The following MAD1L1 variants were observed in gnomAD, a reference collection of about 807,000 sequenced individuals.
MAD1L1 encodes the protein mitotic spindle assembly checkpoint protein MAD1.
Under a neutral mutation model 96.9 loss-of-function variants are expected in MAD1L1, and 95 were observed. The ratio of observed to expected loss-of-function variants is 0.98; its 90% CI spans 0.83 to 1.16. The LOEUF is 1.16. Among genes scored for constraint, MAD1L1 ranks in the 50% most tolerant of loss-of-function variants. The pLI, the probability that MAD1L1 is intolerant of heterozygous loss-of-function variation, is 0.00. For synonymous variants in MAD1L1, 473 were observed against 396.6 expected, an observed-to-expected ratio of 1.19 and a Z score of -2.29; for missense variants, 1,007 against 954.4, an observed-to-expected ratio of 1.06 and a Z score of -0.73.
intron 11 of MAD1L1, among the ~76,000 whole-genome samples, chr7:2,106,885 A>C (rs1200321279): frequency 6.6e-6 from 1 of 152,164 alleles, no homozygotes; most frequent in East Asian, 1.9e-4. Context: ...GCCCTGGCTG[A>C]GAGACAGCTG....
chr7:1,868,063 C>T (rs115403085), intron 18 of MAD1L1, among the ~76,000 whole-genome samples: 1,656 of 152,244 alleles, frequency 0.011, 25 homozygotes, highest in African/African-American at 0.037. Flanking sequence ...CCCTACTGAC[C>T]TCTGTAAGCA....
At chr7:2,090,679 C>G (rs538911416) in intron 11 of MAD1L1, among the ~76,000 whole-genome samples, 3 of 152,204 alleles carry the variant, frequency 2.0e-5, no homozygotes, top group Admixed American at 2.0e-4. Context: ...CAGGCAGGCC[C>G]CCCGCAGGGT....
intron 11 of MAD1L1, among the ~76,000 whole-genome samples, chr7:2,121,398 G>T (rs974540825): frequency 1.6e-4 from 24 of 152,220 alleles, no homozygotes; most frequent in African/African-American, 5.5e-4. Context: ...CACACACTCG[G>T]TCCAGCTGGA....
rs1158956446 is a variant in MAD1L1, at chr7:2,228,181, G to A, written c.150+1803C>T. On this transcript the variant is annotated intron_variant, in intron 3 of 18. Transcript: ENST00000265854. ...AGAGGCCTTTACCAGTGAGCACTGG[G>A]GGCCTCCGAGCCCCAAGACAGACTC... Among the ~76,000 whole-genome samples the A allele has an allele frequency of 3.3e-5, 5 of 151,700 alleles. No homozygotes were observed. In the East Asian group the frequency reaches 7.8e-4, roughly 24 times the overall value.
intron 14 of MAD1L1, among the ~76,000 whole-genome samples, chr7:1,981,787 A>G (rs1459222202): frequency 6.6e-6 from 1 of 152,212 alleles, no homozygotes; most frequent in African/African-American, 2.4e-5. Flanking sequence ...AGCCTGGGAA[A>G]AAAGGCACTG....
chr7:1,983,116 G>A (rs565699922), intron 14 of MAD1L1, among the ~76,000 whole-genome samples: 20 of 149,958 alleles, frequency 1.3e-4, no homozygotes, highest in South Asian at 2.1e-4. Context: ...GTGCACACAC[G>A]CACACACACC....
chr7:2,077,889 C>T (rs951968862), intron 11 of MAD1L1, among the ~76,000 whole-genome samples: 9 of 152,232 alleles, frequency 5.9e-5, no homozygotes, highest in African/African-American at 1.9e-4. Flanking sequence ...TTCACAGGCG[C>T]CCGTCGGGGA....
At chr7:2,016,314 G>A (rs1782536928) in intron 12 of MAD1L1, among the ~76,000 whole-genome samples, 1 of 152,190 alleles carries the variant, frequency 6.6e-6, no homozygotes, top group Admixed American at 6.5e-5. Flanking sequence ...GAGGGCAGGA[G>A]AGCTGTGGGG....
intron 18 of MAD1L1, among the ~76,000 whole-genome samples, chr7:1,887,784 C>T (rs554161768): frequency 1.5e-4 from 19 of 129,300 alleles, no homozygotes; most frequent in Admixed American, 1.1e-3. Flanking sequence ...TGTGTGTGTG[C>T]ATGTGTGCAT....
chr7:1,892,040 G>A lies in MAD1L1; in HGVS notation c.1998+6160C>T, dbSNP rs59738831. ...CGCCCAGAGCACCCGCCAGCCCTGCGAGCTCCGTTCACGGTGAGCACCCTA... is the reference window on the plus strand; with the variant it reads ...CGCCCAGAGCACCCGCCAGCCCTGCAAGCTCCGTTCACGGTGAGCACCCTA... On this transcript the variant is annotated intron_variant, in intron 18 of 18. Coordinates refer to ENST00000265854, the MANE Select transcript of MAD1L1 (RefSeq NM_001013836.2). Among the ~76,000 whole-genome samples the A allele has an allele frequency of 8.9e-3, 1,358 of 152,242 alleles. 21 individuals are homozygous for A. Among genetic ancestry groups the A allele is most frequent in the African/African-American group, 0.031 (1,300 of 41,542 alleles).
At chr7:1,871,501 C>G (rs530006517) in intron 18 of MAD1L1, among the ~76,000 whole-genome samples, 2 of 146,564 alleles carry the variant, frequency 1.4e-5, no homozygotes, top group South Asian at 2.2e-4. Context: ...ACGCCTGCCA[C>G]GCTGAACTGA....
chr7:1,941,613 C>T (rs1484757216), intron 16 of MAD1L1, among the ~76,000 whole-genome samples: 1 of 152,224 alleles, frequency 6.6e-6, no homozygotes, highest in Non-Finnish European at 1.5e-5. Context: ...GCTTGTCCTC[C>T]TCAGCCGCTA....
At chr7:1,906,337 G>A (rs953358506) in intron 17 of MAD1L1, among the ~76,000 whole-genome samples, 1 of 152,202 alleles carries the variant, frequency 6.6e-6, no homozygotes, top group Non-Finnish European at 1.5e-5. Flanking sequence ...TGCTCCCACA[G>A]CAAGACTTGA....
intron 17 of MAD1L1, among the ~76,000 whole-genome samples, chr7:1,931,590 G>C (rs61409925): frequency 1.3e-5 from 2 of 152,034 alleles, no homozygotes; most frequent in African/African-American, 2.4e-5. Context: ...GGACTTGAGC[G>C]CTCGGACGTC....
intron 10 of MAD1L1, among the ~76,000 whole-genome samples, chr7:2,151,207 G>A (rs1789553412): frequency 6.6e-6 from 1 of 152,182 alleles, no homozygotes; most frequent in Non-Finnish European, 1.5e-5. Context: ...AATCAAAGGG[G>A]CTTGTAAATT....
chr7:2,197,178 A>G (rs1792034276), intron 10 of MAD1L1, among the ~76,000 whole-genome samples: 2 of 152,020 alleles, frequency 1.3e-5, no homozygotes, highest in South Asian at 4.1e-4. Flanking sequence ...GCCACACAAC[A>G]CTGTCCGAAC....
intron 18 of MAD1L1, among the ~76,000 whole-genome samples, chr7:1,870,069 C>T (rs1457745097): frequency 6.6e-6 from 1 of 152,168 alleles, no homozygotes; most frequent in Non-Finnish European, 1.5e-5. Context: ...CAAGCCTGAC[C>T]TTGAACCGAG....
intron 12 of MAD1L1, among the ~76,000 whole-genome samples, chr7:2,028,196 C>A (rs1484744649): frequency 6.6e-6 from 1 of 152,042 alleles, no homozygotes; most frequent in Non-Finnish European, 1.5e-5. Flanking sequence ...GAGGCCGAGG[C>A]AGGCGGATTA....
chr7:2,018,632 T>TA (rs1375064847), intron 12 of MAD1L1, among the ~76,000 whole-genome samples: 3 of 152,178 alleles, frequency 2.0e-5, no homozygotes, highest in African/African-American at 7.2e-5. Flanking sequence ...GGCAGCTCCA[T>TA]ATGCAGAGGC....
Sources: gnomAD v4.1 joint callset for allele counts (sites outside exome capture counted in the v4.1 genomes callset) on GRCh38, gnomAD v4.1.1 for gene constraint, MANE v1.5 for transcripts, NCBI Gene and HGNC (gene_info 2026-07-23, HGNC 2026-07-21) for gene names.